The following VIRMA variants were observed in gnomAD, a reference collection of about 807,000 sequenced individuals.
VIRMA encodes the protein protein virilizer homolog.
A neutral mutation model predicts 182.4 loss-of-function variants in VIRMA; 65 were observed. That is an observed-to-expected ratio of 0.36 (90% confidence interval 0.29 to 0.44). The LOEUF is 0.44. Ranked by LOEUF, VIRMA falls within the 20% of genes least tolerant of loss-of-function variation. VIRMA has a pLI of 1.00. For missense variants in VIRMA, 1,752 were observed against 2,158.1 expected, an observed-to-expected ratio of 0.81 and a Z score of 3.73; for synonymous variants, 709 against 743.1, an observed-to-expected ratio of 0.95 and a Z score of 0.75.
At chr8:94,504,378 C>G (rs564839598) in intron 16 of VIRMA, among the ~76,000 whole-genome samples, 2 of 152,170 alleles carry the variant, frequency 1.3e-5, no homozygotes, top group East Asian at 3.9e-4. Context: ...AGCTGTTTCT[C>G]AGACATATGA....
intron 15 of VIRMA, among the ~76,000 whole-genome samples, chr8:94,508,887 A>G (rs1459681675): frequency 6.6e-6 from 1 of 152,172 alleles, no homozygotes; most frequent in African/African-American, 2.4e-5. Flanking sequence ...AGAAATCTCC[A>G]AAGATCTCAA....
Position 94,519,437 on chromosome 8 carries a change from C to A in VIRMA, c.2061G>T (p.Leu687Phe). 1 of 1,527,258 alleles carries A rather than the reference C, an allele frequency of 6.5e-7. No homozygotes were observed. The highest frequency in any genetic ancestry group is 1.3e-5 in the South Asian group (1 of 74,894). The allele number at this position is 1,527,258 out of a possible 1,614,324, so 94.6% of individuals were successfully genotyped here. Reference sequence around the variant, plus strand: ...CACTTGTTACTGGAATTGACAGAAGCAAGGTAACCAACTCCAAGAAGTGAT... The same window carrying A: ...CACTTGTTACTGGAATTGACAGAAGAAAGGTAACCAACTCCAAGAAGTGAT... ...HSHHFLELVT[L>F]LLSIPVTSAH... Residue 687 changes from leucine (L) to phenylalanine (F), a missense_variant, in exon 9 of 24, where the codon TTG (leucine) becomes TTT (phenylalanine). This residue lies in a region of VIRMA where 401 missense variants were observed against 455.1 expected (regional missense o/e 0.88). Coordinates refer to ENST00000297591, the MANE Select transcript of VIRMA (RefSeq NM_015496.5).
rs978646837 is a variant in VIRMA, at chr8:94,509,542, G to C, written c.3879+146C>G. On this transcript the variant is annotated intron_variant, in intron 15 of 23. Transcript: ENST00000297591. ...AAAGGAAAGAAAAAAGCTCTTCAGA[G>C]AACCCATGAACAACAGCAGGAATAA... 1.2e-5 allele frequency: 9 copies of C among 753,504 alleles called. No homozygotes were observed. The African/African-American group carries it at 1.6e-4, about 14-fold the overall frequency. The allele number at this position is 753,504 out of a possible 1,614,324, so 46.7% of individuals were successfully genotyped here.
At position 94,495,649 on chromosome 8, in the gene VIRMA, A is replaced by C. The variant is rs989274803; in HGVS notation, c.4544+82T>G. The stretch of plus-strand genomic sequence containing the variant: ...TTCTTACTATCTGGCCCTTTATAGA[A>C]AAAAACGTTTGCTGGCACCCCCTAG... On this transcript the variant is annotated intron_variant, in intron 19 of 23. Transcript: ENST00000297591. The C allele has an allele frequency of 3.1e-5, 37 of 1,202,392 alleles. 1 individual carries two copies. The South Asian group carries it at 5.7e-4, about 18-fold the overall frequency. 74.5% of individuals were successfully genotyped at this position (1,202,392 alleles called of 1,614,324 possible). A position where few individuals can be genotyped will look rare whatever the true frequency, so the allele number is the denominator to read the frequency against.
At chr8:94,549,814 T>C (rs1324515640) in intron 1 of VIRMA, among the ~76,000 whole-genome samples, 1 of 152,112 alleles carries the variant, frequency 6.6e-6, no homozygotes, top group African/African-American at 2.4e-5. Flanking sequence ...AAACTCAGCG[T>C]GGGCCCTGCA....
chr8:94,516,879 T>A (rs1424936918), intron 10 of VIRMA, among the ~76,000 whole-genome samples: 1 of 152,172 alleles, frequency 6.6e-6, no homozygotes, highest in Admixed American at 6.5e-5. Flanking sequence ...CATGCTATTT[T>A]AAAGCATTTT....
In VIRMA at chr8:94,517,812, C is replaced by T. The variant is rs771783313; in HGVS notation, c.2644G>A (p.Asp882Asn). The T allele has an allele frequency of 6.2e-6, 10 of 1,607,960 alleles. No individual in the cohort carries two copies. In the East Asian group the frequency reaches 1.8e-4, roughly 29 times the overall value. The stretch of plus-strand genomic sequence containing the variant: ...CCTTGCAATTTAGCATTATTTTCAT[C>T]TGCTTTACAAAGCTTCAAGAGAGAT... ...AASLLKLCKADENNAKLQELG... is the reference protein window; with the variant it reads ...AASLLKLCKANENNAKLQELG... Residue 882 changes from aspartate to asparagine, a missense_variant, in exon 10 of 24, where the codon GAT becomes AAT. Asp to Asn is a conservative substitution (Grantham distance 23). Coordinates refer to ENST00000297591, the MANE Select transcript of VIRMA (RefSeq NM_015496.5).
intron 15 of VIRMA, among the ~76,000 whole-genome samples, chr8:94,507,899 A>ATATGTATATATG (rs1814220709): frequency 6.7e-6 from 1 of 148,954 alleles, no homozygotes; most frequent in Non-Finnish European, 1.5e-5. Flanking sequence ...ATATGTATAT[A>ATATGTATATATG]TATGTATATA....
intron 5 of VIRMA, among the ~76,000 whole-genome samples, chr8:94,531,775 AAC>A (rs1195124413): frequency 1.3e-5 from 2 of 152,220 alleles, no homozygotes; most frequent in Non-Finnish European, 2.9e-5. Context: ...ATAGCCAAAA[AAC>A]AGAGACTACC....
intron 8 of VIRMA, among the ~76,000 whole-genome samples, chr8:94,525,328 T>C (rs1462053040): frequency 6.6e-6 from 1 of 152,248 alleles, no homozygotes; most frequent in African/African-American, 2.4e-5. Flanking sequence ...TCCACAGCAA[T>C]AAGTATAATA....
At chr8:94,551,477 A>G (rs1815985059) in intron 1 of VIRMA, among the ~76,000 whole-genome samples, 4 of 152,162 alleles carry the variant, frequency 2.6e-5, no homozygotes, top group Admixed American at 2.6e-4. Context: ...AAACATTTCA[A>G]TATTTCGTAT....
chr8:94,504,817 T>G (rs1814101305), intron 16 of VIRMA, among the ~76,000 whole-genome samples: 1 of 152,104 alleles, frequency 6.6e-6, no homozygotes, highest in Admixed American at 6.6e-5. Flanking sequence ...TCAAGTAGAT[T>G]AATGGGTTAC....
intron 16 of VIRMA, among the ~76,000 whole-genome samples, chr8:94,503,000 T>C (rs549452240): frequency 2.0e-3 from 299 of 152,230 alleles, no homozygotes; most frequent in Non-Finnish European, 3.8e-3. Context: ...AATTAATGTC[T>C]ATGAATTCAC....
At chr8:94,549,326 T>C (rs2130401939) in intron 1 of VIRMA, among the ~76,000 whole-genome samples, 1 of 152,342 alleles carries the variant, frequency 6.6e-6, no homozygotes, top group Non-Finnish European at 1.5e-5. Context: ...ATATTACAAA[T>C]TCCTTTGAAA....
chr8:94,549,072 T>C (rs924881582), intron 1 of VIRMA, among the ~76,000 whole-genome samples: 9 of 152,220 alleles, frequency 5.9e-5, no homozygotes, highest in African/African-American at 2.2e-4. Flanking sequence ...GCATTCTTGA[T>C]TTGTAATGTT....
intron 1 of VIRMA, among the ~76,000 whole-genome samples, chr8:94,550,248 TTC>T (rs1361377563): frequency 6.6e-6 from 1 of 152,188 alleles, no homozygotes; most frequent in Non-Finnish European, 1.5e-5. Context: ...ATCTCACTTT[TTC>T]TCTCTGATTT....
intron 16 of VIRMA, among the ~76,000 whole-genome samples, chr8:94,502,164 C>A (rs1177382365): frequency 1.3e-5 from 2 of 152,034 alleles, no homozygotes; most frequent in South Asian, 4.1e-4. Flanking sequence ...TTGGACAAGG[C>A]CTTTTATTAT....
intron 15 of VIRMA, among the ~76,000 whole-genome samples, chr8:94,507,712 C>T (rs1371531466): frequency 6.6e-6 from 1 of 151,824 alleles, no homozygotes; most frequent in African/African-American, 2.4e-5. Context: ...CAAGACTGTG[C>T]CACTGCACTC....
In VIRMA at chr8:94,491,566, C is replaced by A; in HGVS notation, c.5140+12G>T. On this transcript the variant is annotated intron_variant, in intron 22 of 23. Coordinates refer to ENST00000297591, the MANE Select transcript of VIRMA (RefSeq NM_015496.5). ...ATTCTAACCCATTAGAAAATACATA[C>A]TAATTAGTTACCTTTTGAAGCAGGT... 1.3e-6 allele frequency: 2 copies of A among 1,596,696 alleles called. No homozygotes were observed. The highest frequency in any genetic ancestry group is 1.7e-6 in the Non-Finnish European group (2 of 1,166,182).
Sources: allele counts gnomAD v4.1 joint callset (sites outside exome capture counted in the v4.1 genomes callset), GRCh38; gene constraint gnomAD v4.1.1; regional missense constraint gnomAD v4.1.1; transcripts MANE v1.5; gene names NCBI Gene and HGNC (gene_info 2026-07-23, HGNC 2026-07-21).